SAP30BP: variants seen among roughly 807,000 people sequenced by gnomAD.
The protein encoded by SAP30BP is SAP30 binding protein.
In SAP30BP, 31 loss-of-function variants were observed where a neutral mutation model predicts 46.3. That is an observed-to-expected ratio of 0.67 (90% CI 0.50 to 0.90). The LOEUF is 0.90. Ranked by LOEUF, SAP30BP falls within the 40% of genes least tolerant of loss-of-function variation. SAP30BP has a pLI of 0.00. For synonymous variants in SAP30BP, 169 were observed against 144.2 expected, an observed-to-expected ratio of 1.17 and a Z score of -1.23; for missense variants, 312 against 391.0, an observed-to-expected ratio of 0.80 and a Z score of 1.70.
chr17:75,677,952 C>T (rs932480030), intron 3 of SAP30BP, among the ~76,000 whole-genome samples: 1 of 151,948 alleles, frequency 6.6e-6, no homozygotes, highest in African/African-American at 2.4e-5. Flanking sequence ...AATCATGGGT[C>T]AGTGATTCAG....
chr17:75,674,585 T>C lies in SAP30BP; in HGVS notation c.264+2722T>C, dbSNP rs80217019. On this transcript the variant is annotated intron_variant, in intron 3 of 10. Coordinates refer to ENST00000584667, the MANE Select transcript of SAP30BP (RefSeq NM_013260.8). ...TGCTGGGATTACAGGCATAAGCCAC[T>C]GTGCCCAGCCCACATTTTTTTAAAT... is the stretch of plus-strand genomic sequence containing the variant. 3.9e-3 allele frequency among the ~76,000 whole-genome samples: 589 copies of C among 152,138 alleles called. 2 individuals are homozygous for C. Among genetic ancestry groups the C allele is most frequent in the African/African-American group, 0.013 (538 of 41,502 alleles).
chr17:75,697,093 A>G (rs1266868812), intron 4 of SAP30BP, among the ~76,000 whole-genome samples: 1 of 152,070 alleles, frequency 6.6e-6, no homozygotes, highest in Non-Finnish European at 1.5e-5. Context: ...CTTACACTGT[A>G]CACCATGTGA....
chr17:75,694,451 A>AG (rs1357132735), intron 4 of SAP30BP, among the ~76,000 whole-genome samples: 4 of 152,232 alleles, frequency 2.6e-5, no homozygotes, highest in Non-Finnish European at 1.5e-5. Context: ...CCTCAGCAGG[A>AG]GGGCCTTAAT....
At chr17:75,693,180 C>T (rs1250704315) in intron 3 of SAP30BP, 11 of 462,348 alleles carry the variant, frequency 2.4e-5, no homozygotes, top group Admixed American at 3.7e-5. Context: ...TTCTCCTCAG[C>T]GATGGTGGGT....
At chr17:75,667,583 C>T in intron 1 of SAP30BP, 105 bp downstream of exon 1, 3 of 1,026,234 alleles carry the variant, frequency 2.9e-6, no homozygotes, top group Non-Finnish European at 4.4e-6. Flanking sequence ...CTCCAAGCAC[C>T]GGACCCCGAA....
chr17:75,675,381 C>T (rs2059975257), intron 3 of SAP30BP, among the ~76,000 whole-genome samples: 1 of 151,494 alleles, frequency 6.6e-6, no homozygotes. Context: ...GATCTCCTGA[C>T]CTCGTTATCT....
At chr17:75,688,699 C>G (rs1197039019) in intron 3 of SAP30BP, among the ~76,000 whole-genome samples, 2 of 152,280 alleles carry the variant, frequency 1.3e-5, no homozygotes, top group African/African-American at 2.4e-5. Flanking sequence ...TAAATCCTCC[C>G]AGCTCAAATG....
chr17:75,705,976 C>T (rs1444621954), intron 9 of SAP30BP, 32 bp from the exon 10 acceptor site: 1 of 1,610,158 alleles, frequency 6.2e-7, no homozygotes, highest in East Asian at 2.2e-5. Context: ...CCAGCTTTGC[C>T]TGGTCTTATT....
At chr17:75,687,913 T>TCG (rs2060181000) in intron 3 of SAP30BP, among the ~76,000 whole-genome samples, 1 of 131,116 alleles carries the variant, frequency 7.6e-6, no homozygotes, top group African/African-American at 3.0e-5. Flanking sequence ...CTGACAGTGT[T>TCG]TGGGGTGTGT....
chr17:75,671,618 T>C (rs907020641), intron 2 of SAP30BP, among the ~76,000 whole-genome samples, 198 bp from the exon 3 acceptor site: 5 of 152,248 alleles, frequency 3.3e-5, no homozygotes, highest in Middle Eastern at 6.8e-3. Flanking sequence ...CTTTTTTGTT[T>C]TTTGTTTTTT....
chr17:75,702,659 GC>G, intron 6 of SAP30BP, 88 bp downstream of exon 6: 1 of 616,614 alleles, frequency 1.6e-6, no homozygotes, highest in East Asian at 2.9e-5. Flanking sequence ...GTGAGGAAAA[GC>G]CCAGAGCCCA....
intron 3 of SAP30BP, among the ~76,000 whole-genome samples, chr17:75,684,273 T>C (rs1464238475): frequency 6.6e-6 from 1 of 152,228 alleles, no homozygotes; most frequent in Non-Finnish European, 1.5e-5. Flanking sequence ...ATTGTGAGAC[T>C]TGAATAGTGT....
intron 9 of SAP30BP, 87 bp from the exon 10 acceptor site, chr17:75,705,921 C>T: frequency 6.4e-7 from 1 of 1,573,878 alleles, no homozygotes; most frequent in Non-Finnish European, 8.6e-7. Context: ...TAGTGCCAAG[C>T]TCCTGTCCCC....
Position 75,703,377 on chromosome 17 carries a change from T to C in SAP30BP, c.549+6T>C. On this transcript the variant is annotated splice_donor_region_variant and intron_variant, in intron 7 of 10. Transcript: ENST00000584667. ...TTGGCACCAACTACCCAAAGGTGCG[T>C]CTGGCACACGGGGCTGGAGGGTGAT... The C allele has an allele frequency of 1.2e-6, 2 of 1,613,428 alleles. No homozygotes were observed. Among genetic ancestry groups the C allele is most frequent in the Non-Finnish European group, 1.7e-6 (2 of 1,179,572 alleles).
chr17:75,670,493 A>G (rs1300340145), intron 2 of SAP30BP, among the ~76,000 whole-genome samples: 2 of 148,448 alleles, frequency 1.3e-5, no homozygotes, highest in African/African-American at 4.8e-5. Flanking sequence ...TGAAGTACAC[A>G]CATTCTGGCT....
At position 75,706,243 on chromosome 17, in the gene SAP30BP, G is replaced by C; in HGVS notation, c.746-97G>C. On this transcript the variant is annotated intron_variant, in intron 10 of 10. Transcript: ENST00000584667. The surrounding 1 kb of genome is among the most constrained non-coding windows in gnomAD (Gnocchi z 4.6). ...TTGGAGTCTGGGGTGGGCCACTTCG[G>C]GGTCTGCTCCCTAGACTCCCGCTGG... is the stretch of plus-strand genomic sequence containing the variant. 2 of 1,546,128 alleles carry C rather than the reference G, an allele frequency of 1.3e-6. No homozygotes were observed. The highest frequency in any genetic ancestry group is 2.3e-5 in the East Asian group (1 of 44,438).
At chr17:75,703,720 G>C (rs2060450796) in intron 7 of SAP30BP, 88 bp from the exon 8 acceptor site, 3 of 1,232,394 alleles carry the variant, frequency 2.4e-6, no homozygotes, top group Non-Finnish European at 3.6e-6. Context: ...GGGGACCCCA[G>C]ACCAAGAAGC....
At chr17:75,691,540 G>A in intron 3 of SAP30BP, 1 of 452,452 alleles carries the variant, frequency 2.2e-6, no homozygotes. Context: ...TGGCAAGTGT[G>A]TTTCCCCTTG....
intron 3 of SAP30BP, among the ~76,000 whole-genome samples, chr17:75,688,137 A>T (rs1349382662): frequency 6.6e-6 from 1 of 152,102 alleles, no homozygotes; most frequent in Non-Finnish European, 1.5e-5. Context: ...TCTAGGCAGG[A>T]GTGGGGAGAA....
Sources: gnomAD v4.1 joint callset for allele counts (sites outside exome capture counted in the v4.1 genomes callset) on GRCh38, gnomAD v4.1.1 for gene constraint, Gnocchi (gnomAD v3.1) non-coding constraint, MANE v1.5 for transcripts, NCBI Gene and HGNC (gene_info 2026-07-23, HGNC 2026-07-21) for gene names.